The following ATP2B2 variants were observed in gnomAD, a reference collection of about 807,000 sequenced individuals.
ATP2B2 encodes the protein ATPase plasma membrane Ca2+ transporting 2, also known as plasma membrane calcium-transporting ATPase 2.
In ATP2B2, 15 loss-of-function variants were observed where a neutral mutation model predicts 120.0. That is an observed-to-expected ratio of 0.12 (90% confidence interval 0.08 to 0.19). ATP2B2 has a LOEUF of 0.19. Ranked by LOEUF, ATP2B2 falls within the 10% of genes least tolerant of loss-of-function variation. The pLI is 1.00. For missense variants in ATP2B2, 1,045 were observed against 1,719.8 expected, an observed-to-expected ratio of 0.61 and a Z score of 6.94; for synonymous variants, 694 against 700.3, an observed-to-expected ratio of 0.99 and a Z score of 0.14.
intron 10 of ATP2B2, among the ~76,000 whole-genome samples, chr3:10,377,769 C>G (rs1278780745): frequency 6.6e-6 from 1 of 152,218 alleles, no homozygotes; most frequent in African/African-American, 2.4e-5. Flanking sequence ...CAAGTCTCTT[C>G]CATGGCTCCC....
At chr3:10,561,138 GTGA>G (rs970938192) in intron 2 of ATP2B2, among the ~76,000 whole-genome samples, 6 of 152,184 alleles carry the variant, frequency 3.9e-5, no homozygotes, top group African/African-American at 1.2e-4. Context: ...AGTTATCTGT[GTGA>G]TGATGTAATT....
intron 12 of ATP2B2, among the ~76,000 whole-genome samples, chr3:10,369,185 G>C (rs2061156162): frequency 6.6e-6 from 1 of 152,152 alleles, no homozygotes; most frequent in South Asian, 2.1e-4. Flanking sequence ...CTCTTGTATG[G>C]GTTCAGAATG....
intron 3 of ATP2B2, among the ~76,000 whole-genome samples, chr3:10,404,894 T>G (rs2124987290): frequency 6.6e-6 from 1 of 152,320 alleles, no homozygotes; most frequent in South Asian, 2.1e-4. Flanking sequence ...AAGACTTTTG[T>G]TATCCCCTGC....
At chr3:10,421,743 C>A (rs1478681547) in intron 2 of ATP2B2, among the ~76,000 whole-genome samples, 1 of 152,188 alleles carries the variant, frequency 6.6e-6, no homozygotes, top group Non-Finnish European at 1.5e-5. Flanking sequence ...TCTAGCCATG[C>A]CACATTTATC....
intron 1 of ATP2B2, among the ~76,000 whole-genome samples, chr3:10,665,314 C>G (rs1441013736): frequency 6.6e-6 from 1 of 152,190 alleles, no homozygotes; most frequent in Admixed American, 6.5e-5. Context: ...CTTCCCTCAG[C>G]CTAGCTAACT....
chr3:10,336,424 A>C (rs1226009534), intron 22 of ATP2B2: 4 of 999,144 alleles, frequency 4.0e-6, no homozygotes, highest in Non-Finnish European at 1.5e-6. Flanking sequence ...ACTTAAATCA[A>C]AACAAAAATA....
At chr3:10,529,614 G>T (rs919464187) in intron 3 of ATP2B2, among the ~76,000 whole-genome samples, 1 of 152,134 alleles carries the variant, frequency 6.6e-6, no homozygotes, top group Non-Finnish European at 1.5e-5. Context: ...TGAAAGAACT[G>T]GTGGTCTGTC....
intron 14 of ATP2B2, among the ~76,000 whole-genome samples, chr3:10,351,974 T>C (rs1260832789): frequency 2.0e-5 from 3 of 152,222 alleles, no homozygotes; most frequent in Non-Finnish European, 4.4e-5. Flanking sequence ...CAAACTGCTC[T>C]TGAGCCACTC....
At chr3:10,615,156 T>G (rs1202901407) in intron 2 of ATP2B2, among the ~76,000 whole-genome samples, 1 of 152,100 alleles carries the variant, frequency 6.6e-6, no homozygotes, top group Admixed American at 6.5e-5. Flanking sequence ...AGCTTGGATT[T>G]TAGCCTCAGG....
At chr3:10,470,400 C>T (rs370185505) in intron 1 of ATP2B2, among the ~76,000 whole-genome samples, 2 of 152,100 alleles carry the variant, frequency 1.3e-5, no homozygotes, top group Non-Finnish European at 2.9e-5. Context: ...GATCTGAACC[C>T]AGGCCAGTGT....
At chr3:10,461,947 T>C (rs1304717487) in intron 1 of ATP2B2, among the ~76,000 whole-genome samples, 1 of 152,164 alleles carries the variant, frequency 6.6e-6, no homozygotes, top group Non-Finnish European at 1.5e-5. Flanking sequence ...CCACGGCTGA[T>C]GGCACCTCCC....
At chr3:10,701,384 C>T (rs1181687058) in intron 1 of ATP2B2, among the ~76,000 whole-genome samples, 1 of 152,158 alleles carries the variant, frequency 6.6e-6, no homozygotes, top group African/African-American at 2.4e-5. Context: ...CTCCAAATAG[C>T]GCCAAAAGCA....
intron 3 of ATP2B2, among the ~76,000 whole-genome samples, chr3:10,530,587 C>A (rs562979985): frequency 6.6e-6 from 1 of 152,298 alleles, no homozygotes; most frequent in Admixed American, 6.5e-5. Flanking sequence ...ACAGACAGGG[C>A]TCACGTTTTT....
intron 2 of ATP2B2, among the ~76,000 whole-genome samples, chr3:10,580,454 G>A (rs2068362426): frequency 1.3e-5 from 2 of 152,266 alleles, no homozygotes; most frequent in African/African-American, 4.8e-5. Flanking sequence ...GTTACATAAA[G>A]GAAGCAGTGA....
chr3:10,652,397 T>C (rs1012237810), intron 1 of ATP2B2, among the ~76,000 whole-genome samples: 5 of 152,194 alleles, frequency 3.3e-5, no homozygotes, highest in Non-Finnish European at 5.9e-5. Flanking sequence ...TAAGGCAAGA[T>C]CTTTAAAACA....
intron 2 of ATP2B2, among the ~76,000 whole-genome samples, chr3:10,542,894 T>C (rs1283287589): frequency 6.6e-6 from 1 of 152,188 alleles, no homozygotes; most frequent in Admixed American, 6.5e-5. Context: ...AAATTTGGGA[T>C]TTTTTGGCCG....
intron 1 of ATP2B2, among the ~76,000 whole-genome samples, chr3:10,679,397 C>G (rs114957021): frequency 2.6e-5 from 4 of 152,212 alleles, no homozygotes; most frequent in Non-Finnish European, 5.9e-5. Context: ...CTTTCCCTTA[C>G]AAATGGCAGG....
chr3:10,520,990 C>A (rs2066974466), intron 3 of ATP2B2, among the ~76,000 whole-genome samples: 1 of 152,188 alleles, frequency 6.6e-6, no homozygotes, highest in South Asian at 2.1e-4. Context: ...ACTTTTCCAG[C>A]TAATAACAGG....
chr3:10,492,189 A>AG lies in ATP2B2; in HGVS notation c.-320+13275_-320+13276insC, dbSNP rs200982585. ...TCTGGCCACCCTGTGGGTTGGGGAC[A>AG]CAGTAATTGCTGGCTTCTCCGGGGT... On this transcript the variant is annotated intron_variant, in intron 1 of 22. Transcript: ENST00000360273. Among the ~76,000 whole-genome samples the AG allele has an allele frequency of 3.3e-3, 507 of 152,072 alleles. 6 individuals are homozygous for AG. Among genetic ancestry groups the AG allele is most frequent in the East Asian group, 0.032 (165 of 5,164 alleles).
Sources: allele counts gnomAD v4.1 joint callset (sites outside exome capture counted in the v4.1 genomes callset), GRCh38; gene constraint gnomAD v4.1.1; transcripts MANE v1.5; gene names NCBI Gene and HGNC (gene_info 2026-07-23, HGNC 2026-07-21).